The following RABGAP1L variants were observed in gnomAD, a reference collection of about 807,000 sequenced individuals.
RABGAP1L encodes rab GTPase-activating protein 1-like.
In RABGAP1L, 63 loss-of-function variants were observed where a neutral mutation model predicts 137.7. That is an observed-to-expected ratio of 0.46 (90% CI 0.37 to 0.56). The LOEUF (loss-of-function observed/expected upper bound fraction) is 0.56. Ranked by LOEUF, RABGAP1L falls within the 20% of genes least tolerant of loss-of-function variation. RABGAP1L has a pLI of 0.00. For synonymous variants in RABGAP1L, 431 were observed against 433.7 expected, an observed-to-expected ratio of 0.99 and a Z score of 0.08; for missense variants, 1,095 against 1,244.0, an observed-to-expected ratio of 0.88 and a Z score of 1.80.
chr1:174,647,098 A>G (rs757115621), intron 14 of RABGAP1L, among the ~76,000 whole-genome samples: 1 of 152,148 alleles, frequency 6.6e-6, no homozygotes, highest in Admixed American at 6.5e-5. Flanking sequence ...CAGCTTAAGG[A>G]GACTTTGGGC....
intron 19 of RABGAP1L, chr1:174,934,981 A>G (rs1165812704): frequency 1.3e-5 from 2 of 152,260 alleles, no homozygotes; most frequent in Non-Finnish European, 2.9e-5. Flanking sequence ...CTTTATTTAC[A>G]GTAGAGAACA....
At chr1:174,942,591 T>C (rs886555923) in intron 19 of RABGAP1L, among the ~76,000 whole-genome samples, 12 of 152,212 alleles carry the variant, frequency 7.9e-5, no homozygotes, top group Non-Finnish European at 1.5e-4. Context: ...TTGTTCTTCT[T>C]CTGTAAAATG....
intron 11 of RABGAP1L, among the ~76,000 whole-genome samples, chr1:174,320,686 T>A (rs891711763): frequency 2.0e-5 from 3 of 152,196 alleles, no homozygotes; most frequent in Non-Finnish European, 4.4e-5. Flanking sequence ...TTGTGAAGAT[T>A]TCATGGACAT....
chr1:174,515,931 T>G (rs1178686817), intron 13 of RABGAP1L, among the ~76,000 whole-genome samples: 1 of 152,108 alleles, frequency 6.6e-6, no homozygotes, highest in Non-Finnish European at 1.5e-5. Context: ...CTTGGAGACA[T>G]TTCTTAGGTA....
intron 20 of RABGAP1L, chr1:174,957,936 A>C (rs768345225): frequency 6.3e-7 from 1 of 1,578,392 alleles, no homozygotes; most frequent in Non-Finnish European, 8.6e-7. Context: ...TATACTGGGA[A>C]TCTTCATAAG....
At chr1:174,951,218 G>A (rs936997726) in intron 19 of RABGAP1L, among the ~76,000 whole-genome samples, 8 of 152,160 alleles carry the variant, frequency 5.3e-5, no homozygotes, top group Admixed American at 3.9e-4. Flanking sequence ...TTGGCACTAC[G>A]TCTAGACTGT....
At chr1:174,823,563 G>A (rs764032701) in intron 19 of RABGAP1L, among the ~76,000 whole-genome samples, 1 of 152,048 alleles carries the variant, frequency 6.6e-6, no homozygotes, top group Non-Finnish European at 1.5e-5. Flanking sequence ...ATTATGTTAG[G>A]CAACAATAAA....
At position 174,274,606 on chromosome 1, in the gene RABGAP1L, C is replaced by CTGTGTGTGTGTG. The variant is rs61468070; in HGVS notation, c.1054-1205_1054-1194dup. 6.0e-3 allele frequency among the ~76,000 whole-genome samples: 874 copies of CTGTGTGTGTGTG among 146,146 alleles called. 8 individuals are homozygous for CTGTGTGTGTGTG. The highest frequency in any genetic ancestry group is 0.017 in the African/African-American group (673 of 39,162). ...CCCTATCATTAAGCAACAGGTGACT[C>CTGTGTGTGTGTG]TGTGTGTGTGTGTGTGTGTGTGTGT... is the stretch of plus-strand genomic sequence containing the variant. On this transcript the variant is annotated intron_variant, in intron 8 of 25. Transcript: ENST00000681986.
chr1:174,965,120 A>T (rs773522030), intron 20 of RABGAP1L: 29 of 621,924 alleles, frequency 4.7e-5, no homozygotes, highest in Non-Finnish European at 5.5e-6. Flanking sequence ...GGGTGAAACT[A>T]TGAGGACAGT....
intron 18 of RABGAP1L, among the ~76,000 whole-genome samples, chr1:174,769,300 G>A (rs115253439): frequency 1.0e-3 from 155 of 152,204 alleles, no homozygotes; most frequent in African/African-American, 3.4e-3. Flanking sequence ...CATCTTGTGC[G>A]CTGAGTTGCT....
intron 19 of RABGAP1L, among the ~76,000 whole-genome samples, chr1:174,816,393 C>G (rs537519847): frequency 7.9e-5 from 12 of 152,054 alleles, no homozygotes; most frequent in South Asian, 4.2e-4. Flanking sequence ...TTATCCACCC[C>G]CCTTGGCCAC....
chr1:174,318,451 TTTTTGTTTTG>T (rs759042286), intron 11 of RABGAP1L, among the ~76,000 whole-genome samples: 8 of 152,172 alleles, frequency 5.3e-5, no homozygotes, highest in Admixed American at 2.0e-4. Context: ...GGGCGTTGTG[TTTTTGTTTTG>T]TTTTGTTTTG....
intron 14 of RABGAP1L, among the ~76,000 whole-genome samples, chr1:174,644,920 C>T (rs1035611436): frequency 3.3e-5 from 5 of 152,072 alleles, no homozygotes; most frequent in African/African-American, 1.2e-4. Context: ...TTGTCCATCT[C>T]CCTTATAAAG....
At chr1:174,969,969 A>G (rs191280225) in intron 21 of RABGAP1L, among the ~76,000 whole-genome samples, 2 of 152,352 alleles carry the variant, frequency 1.3e-5, no homozygotes, top group Admixed American at 1.3e-4. Context: ...TAAGTAAAAC[A>G]CTTCGATAGT....
chr1:174,875,509 G>A (rs1471871607), intron 19 of RABGAP1L: 2 of 985,088 alleles, frequency 2.0e-6, no homozygotes, highest in African/African-American at 3.5e-5. Context: ...CACAACAGGT[G>A]TCTTTGTCAG....
chr1:174,160,167 G>C (rs1044695708), intron 1 of RABGAP1L, among the ~76,000 whole-genome samples: 1 of 152,182 alleles, frequency 6.6e-6, no homozygotes, highest in Non-Finnish European at 1.5e-5. Context: ...TGCTGTTGAT[G>C]CTTGTGGTTT....
chr1:174,611,525 A>T (rs1244861558), intron 13 of RABGAP1L, among the ~76,000 whole-genome samples: 1 of 148,538 alleles, frequency 6.7e-6, no homozygotes, highest in East Asian at 2.0e-4. Context: ...CTTAGGATTG[A>T]CTTGGCGATG....
chr1:174,412,532 A>T (rs1477508645), intron 13 of RABGAP1L, among the ~76,000 whole-genome samples: 2 of 151,954 alleles, frequency 1.3e-5, no homozygotes, highest in African/African-American at 4.8e-5. Context: ...TGTAGTTTCT[A>T]TTGTGTTGTT....
At chr1:174,521,593 G>A (rs1227404050) in intron 13 of RABGAP1L, among the ~76,000 whole-genome samples, 1 of 152,122 alleles carries the variant, frequency 6.6e-6, no homozygotes, top group East Asian at 1.9e-4. Context: ...AAATTGCAAG[G>A]GCAAAGAAAA....
Sources: allele counts gnomAD v4.1 joint callset (sites outside exome capture counted in the v4.1 genomes callset), GRCh38; gene constraint gnomAD v4.1.1; transcripts MANE v1.5; gene names NCBI Gene and HGNC (gene_info 2026-07-23, HGNC 2026-07-21).